The following OCM variants were observed in gnomAD, a reference collection of about 807,000 sequenced individuals.
OCM encodes oncomodulin.
A neutral mutation model predicts 14.1 loss-of-function variants in OCM; 18 were observed. That is an observed-to-expected ratio of 1.28 (90% CI 0.88 to 1.89). OCM has a LOEUF of 1.89. Among genes scored for constraint, OCM ranks in the 40% most tolerant of loss-of-function variants. OCM has a pLI of 0.00. For synonymous variants in OCM, 48 were observed against 51.0 expected (o/e 0.94, Z 0.25); for missense variants, 140 against 137.6 (o/e 1.02, Z -0.09).
chr7:5,884,821 A>C (rs1246019521), intron 3 of OCM, among the ~76,000 whole-genome samples: 3 of 152,166 alleles, frequency 2.0e-5, no homozygotes, highest in Middle Eastern at 3.4e-3. Flanking sequence ...GGATTGCCTT[A>C]TTTAAACATA....
the OCM span, among the ~76,000 whole-genome samples, chr7:5,871,541 C>T: frequency 6.6e-6 from 1 of 151,922 alleles, no homozygotes; most frequent in African/African-American, 2.4e-5. Context: ...GAGTTGTTGC[C>T]ATGGTTAAAT....
In OCM at chr7:5,882,446, G is replaced by C. The variant is rs768951578; in HGVS notation, c.62-47G>C. 3.1e-6 allele frequency: 5 copies of C among 1,602,730 alleles called. No homozygotes were observed. The South Asian group carries it at 5.5e-5, about 18-fold the overall frequency. ...TTTTTAGTACCTTGGCCCCAACATAGAATGTGATCCAACAAGCGTCAGAAT... is the reference window on the plus strand; with the variant it reads ...TTTTTAGTACCTTGGCCCCAACATACAATGTGATCCAACAAGCGTCAGAAT... On this transcript the variant is annotated intron_variant, in intron 1 of 3. Transcript: ENST00000242104.
chr7:5,881,958 A>T (rs1467020572), intron 1 of OCM, among the ~76,000 whole-genome samples: 2 of 151,662 alleles, frequency 1.3e-5, no homozygotes, highest in Non-Finnish European at 2.9e-5. Context: ...ATGGGGGTGC[A>T]CACCTGTAAT....
At chr7:5,864,718 G>C in the OCM span, among the ~76,000 whole-genome samples, 6 of 152,052 alleles carry the variant, frequency 3.9e-5, no homozygotes, top group Non-Finnish European at 5.9e-5. Context: ...ACTTTGGGAG[G>C]CCAAGCCAGG....
intron 3 of OCM, 32 bp downstream of exon 3, chr7:5,884,031 C>G (rs776582924): frequency 9.3e-6 from 15 of 1,607,584 alleles, no homozygotes; most frequent in Non-Finnish European, 1.3e-5. Flanking sequence ...GCATAAAACA[C>G]TCTAGCTCAG....
At chr7:5,882,113 A>ATC in intron 1 of OCM, among the ~76,000 whole-genome samples, 3 of 148,800 alleles carry the variant, frequency 2.0e-5, no homozygotes, top group African/African-American at 7.4e-5. Flanking sequence ...AAAAAAAAAA[A>ATC]AAAAAAGCGC....
intron 3 of OCM, among the ~76,000 whole-genome samples, 187 bp downstream of exon 3, chr7:5,884,186 T>C (rs1781286459): frequency 6.6e-6 from 1 of 152,168 alleles, no homozygotes. Context: ...AACCCTGGCA[T>C]AATGCTCGGT....
chr7:5,870,443 A>G, the OCM span, among the ~76,000 whole-genome samples: 1 of 152,178 alleles, frequency 6.6e-6, no homozygotes, highest in African/African-American at 2.4e-5. Context: ...TTCTCATAGC[A>G]TCCTGTCCAT....
At chr7:5,876,807 T>C (rs1379296322), upstream of OCM, among the ~76,000 whole-genome samples, 1 of 129,394 alleles carries the variant, frequency 7.7e-6, no homozygotes, top group Non-Finnish European at 1.6e-5. Flanking sequence ...GTCTACTTCT[T>C]TTTTTTTTTT....
At chr7:5,874,506 C>A in the OCM span, among the ~76,000 whole-genome samples, 1 of 150,780 alleles carries the variant, frequency 6.6e-6, no homozygotes, top group Non-Finnish European at 1.5e-5. Flanking sequence ...TAATAATTTT[C>A]TTTTTTTTTC....
chr7:5,886,173 C>T lies in OCM; in HGVS notation c.*84C>T, dbSNP rs1374386594. The T allele has an allele frequency of 7.4e-7, 1 of 1,342,976 alleles. No homozygotes were observed. Among genetic ancestry groups the T allele is most frequent in the Non-Finnish European group, 1.1e-6 (1 of 946,552 alleles). 83.2% of individuals were successfully genotyped at this position (1,342,976 alleles called of 1,614,324 possible). A position where few individuals can be genotyped will look rare whatever the true frequency, so the allele number is the denominator to read the frequency against. On this transcript the variant is annotated 3_prime_UTR_variant, in exon 4 of 4. Transcript: ENST00000242104. Reference sequence around the variant, plus strand: ...CCCTGGGAATGGGGAACCCCACATCCCATCCCTACCTAATTTGTTAATTTT... The same window carrying T: ...CCCTGGGAATGGGGAACCCCACATCTCATCCCTACCTAATTTGTTAATTTT...
At chr7:5,865,882 A>G in the OCM span, among the ~76,000 whole-genome samples, 5 of 152,220 alleles carry the variant, frequency 3.3e-5, no homozygotes, top group Admixed American at 2.0e-4. Flanking sequence ...ATGCATATAC[A>G]CATCTAGATG....
At chr7:5,860,882 A>ATTG in the OCM span, among the ~76,000 whole-genome samples, 3,239 of 146,732 alleles carry the variant, frequency 0.022, 49 homozygotes, top group Non-Finnish European at 0.032. Flanking sequence ...TTATTTATTT[A>ATTG]TTGTTGTTCC....
chr7:5,878,143 T>G (rs1781132779), upstream of OCM, among the ~76,000 whole-genome samples: 1 of 151,338 alleles, frequency 6.6e-6, no homozygotes, highest in South Asian at 2.1e-4. Context: ...TTTTGTATTT[T>G]TAGTAGAGAT....
At chr7:5,868,636 C>G in the OCM span, among the ~76,000 whole-genome samples, 35 of 151,968 alleles carry the variant, frequency 2.3e-4, no homozygotes, top group Admixed American at 1.8e-3. Flanking sequence ...GAATTGTCCT[C>G]TCCTGCAGCA....
At chr7:5,871,369 AAATT>A in the OCM span, among the ~76,000 whole-genome samples, 6 of 151,428 alleles carry the variant, frequency 4.0e-5, no homozygotes, top group South Asian at 2.1e-4. Context: ...AAAAAAAAAA[AAATT>A]AAAGAGGTAG....
chr7:5,865,235 A>G, the OCM span, among the ~76,000 whole-genome samples: 1 of 152,180 alleles, frequency 6.6e-6, no homozygotes, highest in Non-Finnish European at 1.5e-5. Context: ...ATCTATTCTA[A>G]TGAGAACTTT....
intron 2 of OCM, 45 bp downstream of exon 2, chr7:5,882,670 G>A: frequency 1.2e-6 from 2 of 1,607,488 alleles, no homozygotes; most frequent in African/African-American, 2.7e-5. Flanking sequence ...ACTGCTGAGT[G>A]GGCCTGGGGT....
the OCM span, among the ~76,000 whole-genome samples, chr7:5,866,862 C>T: frequency 6.6e-6 from 1 of 152,128 alleles, no homozygotes; most frequent in Non-Finnish European, 1.5e-5. Context: ...TAACCCGCTC[C>T]CACAATTGTG....
Sources: gnomAD v4.1 joint callset for allele counts (sites outside exome capture counted in the v4.1 genomes callset) on GRCh38, gnomAD v4.1.1 for gene constraint, MANE v1.5 for transcripts, NCBI Gene and HGNC (gene_info 2026-07-23, HGNC 2026-07-21) for gene names.